Variants in PAH observed in about 807,000 individuals in gnomAD.
The protein encoded by PAH is phenylalanine-4-hydroxylase.
In PAH, 64 loss-of-function variants were observed where a neutral mutation model predicts 62.0. The observed-to-expected ratio is 1.03, with a 90% CI of 0.84 to 1.27. The LOEUF (loss-of-function observed/expected upper bound fraction) is 1.27, where lower values mean the gene tolerates loss of function less well. PAH is among the 50% of genes most tolerant of loss of function. PAH has a pLI of 0.00. For synonymous variants in PAH, 195 were observed against 196.2 expected (o/e 0.99, Z 0.05); for missense variants, 579 against 542.8 (o/e 1.07, Z -0.66).
In PAH at chr12:102,844,426, G is replaced by C. The variant is rs62508573; in HGVS notation, c.975C>G (p.Tyr325Ter). 1 of 1,610,216 alleles carries C rather than the reference G, an allele frequency of 6.2e-7. No individual in the cohort carries two copies. Among genetic ancestry groups the C allele is most frequent in the East Asian group, 2.2e-5 (1 of 44,870 alleles). ...AGAGCCCAAACTCCACAGTAAACCA[G>C]TAAATCTGGAATGGAAAGTCAATCT... ...DEYIEKLATI[Y>*]WFTVEFGLCK... The change falls in exon 10 of 13, where the codon TAC (tyrosine) becomes TAG (stop). Residue 325 changes from tyrosine (Y) to a stop codon, truncating the protein, a stop_gained. Transcript: ENST00000553106. LOFTEE classifies it high-confidence loss of function.
upstream of PAH, among the ~76,000 whole-genome samples, chr12:102,920,356 A>C (rs1051367451): frequency 1.3e-5 from 2 of 152,220 alleles, no homozygotes; most frequent in African/African-American, 4.8e-5. Flanking sequence ...AAGCATCCAC[A>C]GTCAGTCAGT....
chr12:102,862,933 C>T (rs1410245936), intron 5 of PAH, among the ~76,000 whole-genome samples: 2 of 143,950 alleles, frequency 1.4e-5, no homozygotes, highest in African/African-American at 5.1e-5. Context: ...TTGTGGTAGC[C>T]AGCAATGATG....
At chr12:102,860,169 T>C (rs1875653439) in intron 5 of PAH, among the ~76,000 whole-genome samples, 1 of 152,170 alleles carries the variant, frequency 6.6e-6, no homozygotes, top group Non-Finnish European at 1.5e-5. Flanking sequence ...ATCACAAGCA[T>C]TCTTATACAC....
intron 3 of PAH, among the ~76,000 whole-genome samples, chr12:102,884,568 G>A (rs1011592828): frequency 7.9e-5 from 12 of 152,212 alleles, no homozygotes; most frequent in Admixed American, 2.0e-4. Context: ...AATGGGCAAG[G>A]TGCTGAGCAC....
intron 7 of PAH, chr12:102,852,380 C>G (rs1017249260): frequency 4.3e-6 from 1 of 234,602 alleles, no homozygotes; most frequent in African/African-American, 2.3e-5. Flanking sequence ...AAGGGGATAA[C>G]GAAACACCCA....
chr12:102,901,133 A>G (rs1435591027), intron 2 of PAH, among the ~76,000 whole-genome samples: 1 of 152,194 alleles, frequency 6.6e-6, no homozygotes. Context: ...AAAACTATAG[A>G]AACAGAGTTC....
upstream of PAH, chr12:102,953,665 T>C (rs1422740522): frequency 6.6e-6 from 1 of 152,192 alleles, no homozygotes; most frequent in Admixed American, 6.5e-5. Flanking sequence ...TGTTCTGATA[T>C]AGGAAAGGGG....
At chr12:102,900,714 A>G (rs1380683641) in intron 2 of PAH, among the ~76,000 whole-genome samples, 1 of 152,158 alleles carries the variant, frequency 6.6e-6, no homozygotes, top group East Asian at 1.9e-4. Context: ...AATAATTTTG[A>G]TTGCTAAGAG....
At chr12:102,940,299 C>T (rs1444449548) in intron 1 of PAH, among the ~76,000 whole-genome samples, 1 of 152,208 alleles carries the variant, frequency 6.6e-6, no homozygotes. Context: ...ACCACATTAG[C>T]TTTCCAGTGA....
chr12:102,937,274 C>G (rs1488545048), intron 1 of PAH, among the ~76,000 whole-genome samples: 1 of 152,136 alleles, frequency 6.6e-6, no homozygotes, highest in Non-Finnish European at 1.5e-5. Flanking sequence ...TAAGTAAGGA[C>G]TTACTCCTGC....
At chr12:102,928,339 C>T (rs1227569514) in intron 1 of PAH, among the ~76,000 whole-genome samples, 1 of 152,094 alleles carries the variant, frequency 6.6e-6, no homozygotes, top group Non-Finnish European at 1.5e-5. Flanking sequence ...TTTAAATGTA[C>T]AATAAATTAC....
intron 11 of PAH, 129 bp from the exon 12 acceptor site, chr12:102,840,644 G>A: frequency 1.4e-6 from 1 of 725,504 alleles, no homozygotes. Flanking sequence ...GTCTTCAACA[G>A]CCAGGGCTGA....
At chr12:102,917,249 A>G, upstream of PAH, 1 of 849,644 alleles carries the variant, frequency 1.2e-6, no homozygotes. Flanking sequence ...GAGAGTTACA[A>G]AGGGTGTCTC....
intron 2 of PAH, among the ~76,000 whole-genome samples, chr12:102,911,501 T>C (rs1344055852): frequency 6.6e-6 from 1 of 152,178 alleles, no homozygotes; most frequent in Admixed American, 6.5e-5. Flanking sequence ...AGCATCAGTT[T>C]CTATCTCTGA....
rs117761580 is a variant in PAH, at chr12:102,854,569, A to G, written c.706+567T>C. On this transcript the variant is annotated intron_variant, in intron 6 of 12. Transcript: ENST00000553106. ...ATGCAAGACTGTGCTGGTTGTTTCC[A>G]TATGCAGCACCTTACTTCATTCTCA... is the stretch of plus-strand genomic sequence containing the variant. The G allele has an allele frequency of 3.8e-4, 72 of 188,420 alleles. No individual in the cohort carries two copies. The East Asian group carries it at 8.3e-3, about 22-fold the overall frequency. The allele number at this position is 188,420 out of a possible 1,614,324, so 11.7% of individuals were successfully genotyped here.
At chr12:102,839,369 G>C in intron 12 of PAH, 151 bp from the exon 13 acceptor site, 4 of 719,510 alleles carry the variant, frequency 5.6e-6, no homozygotes, top group Non-Finnish European at 9.9e-6. Context: ...CCTCATTATG[G>C]TATAAGTACT....
At chr12:102,880,435 G>A (rs1227624554) in intron 3 of PAH, among the ~76,000 whole-genome samples, 1 of 152,128 alleles carries the variant, frequency 6.6e-6, no homozygotes, top group East Asian at 1.9e-4. Context: ...AAGGGGGCCT[G>A]ACTCTTTCCT....
intron 1 of PAH, chr12:102,945,066 C>A (rs1879440617): frequency 1.3e-5 from 2 of 152,378 alleles, no homozygotes; most frequent in African/African-American, 4.8e-5. Context: ...GAAGAATTAT[C>A]TGGATTACCA....
chr12:102,894,903 G>A lies in PAH; in HGVS notation c.184C>T (p.Leu62=). 6.2e-7 allele frequency: 1 copy of A among 1,613,270 alleles called. No homozygotes were observed. The highest frequency in any genetic ancestry group is 8.5e-7 in the Non-Finnish European group (1 of 1,179,548). The stretch of plus-strand genomic sequence containing the variant: ...GAAGGTCTAGATTCAATGTGGGTCA[G>A]GTTTACATCATTCTCCTAGAAGAGA... ...LRLFEENDVN[L]THIESRPSRL... is the part of the protein sequence containing the mutation. The change falls in exon 3 of 13, where the codon CTG becomes TTG. Residue 62 remains leucine (L), a synonymous_variant. Coordinates refer to ENST00000553106, the MANE Select transcript of PAH (RefSeq NM_000277.3).
Sources: allele counts gnomAD v4.1 joint callset (sites outside exome capture counted in the v4.1 genomes callset), GRCh38; gene constraint gnomAD v4.1.1; transcripts MANE v1.5; gene names NCBI Gene and HGNC (gene_info 2026-07-23, HGNC 2026-07-21).